Variants in PDE10A observed in about 807,000 individuals in gnomAD.
PDE10A encodes the protein cAMP and cAMP-inhibited cGMP 3',5'-cyclic phosphodiesterase 10A.
A neutral mutation model predicts 97.7 loss-of-function variants in PDE10A; 39 were observed. The observed-to-expected ratio is 0.40, with a 90% confidence interval of 0.31 to 0.52. The LOEUF is 0.52. Among genes scored for constraint, PDE10A ranks in the 20% least tolerant of loss-of-function variants. PDE10A has a pLI of 0.56. For synonymous variants in PDE10A, 371 were observed against 376.8 expected (o/e 0.98, Z 0.18); for missense variants, 731 against 1,047.8 (o/e 0.70, Z 4.17).
At chr6:165,850,224 G>A (rs1379173194) in intron 1 of PDE10A, among the ~76,000 whole-genome samples, 1 of 152,222 alleles carries the variant, frequency 6.6e-6, no homozygotes, top group Non-Finnish European at 1.5e-5. Flanking sequence ...CTGGACTCCG[G>A]GAGGCGCCAA....
chr6:165,454,840 G>T (rs1419812420), intron 3 of PDE10A, among the ~76,000 whole-genome samples: 1 of 152,138 alleles, frequency 6.6e-6, no homozygotes, highest in African/African-American at 2.4e-5. Context: ...AAACAGAAAA[G>T]TTGTGGCTTA....
chr6:165,503,649 T>C (rs927876204), intron 2 of PDE10A, among the ~76,000 whole-genome samples: 5 of 152,170 alleles, frequency 3.3e-5, no homozygotes, highest in African/African-American at 1.2e-4. Context: ...TATATCCACC[T>C]GTTCACTGGA....
intron 2 of PDE10A, among the ~76,000 whole-genome samples, chr6:165,538,055 C>T (rs1562561008): frequency 6.6e-6 from 1 of 151,958 alleles, no homozygotes; most frequent in East Asian, 1.9e-4. Context: ...CAGAAACCAT[C>T]CGTTACATAT....
At chr6:165,839,999 C>CT (rs1490891861) in intron 1 of PDE10A, among the ~76,000 whole-genome samples, 12 of 2,714 alleles carry the variant, frequency 4.4e-3, no homozygotes, top group South Asian at 0.02. Flanking sequence ...CCAACTCCAT[C>CT]CCATCTCCAT....
chr6:165,611,809 T>C (rs1391749280), intron 1 of PDE10A, among the ~76,000 whole-genome samples: 1 of 152,260 alleles, frequency 6.6e-6, no homozygotes, highest in Non-Finnish European at 1.5e-5. Flanking sequence ...AATGTACTGT[T>C]CAGGTTTGAT....
intron 2 of PDE10A, among the ~76,000 whole-genome samples, chr6:165,506,623 A>G (rs932966954): frequency 6.6e-6 from 1 of 152,184 alleles, no homozygotes; most frequent in Non-Finnish European, 1.5e-5. Flanking sequence ...ATTGGAAGGT[A>G]CGCAATCTCA....
intron 1 of PDE10A, among the ~76,000 whole-genome samples, chr6:165,895,200 G>A (rs1052722854): frequency 6.2e-5 from 8 of 129,304 alleles, no homozygotes; most frequent in Non-Finnish European, 1.3e-4. Flanking sequence ...TTTGGAAATA[G>A]GGTCTTTGCA....
chr6:165,381,659 T>C (rs1456853146), intron 17 of PDE10A, among the ~76,000 whole-genome samples: 1 of 148,150 alleles, frequency 6.7e-6, no homozygotes, highest in African/African-American at 2.5e-5. Flanking sequence ...TTTTTTGTAT[T>C]TTTAGTAGAG....
chr6:165,885,201 G>A (rs1036094815), intron 1 of PDE10A, among the ~76,000 whole-genome samples: 9 of 152,138 alleles, frequency 5.9e-5, no homozygotes, highest in African/African-American at 1.9e-4. Context: ...ATTTCACACT[G>A]CTTTAAAGGA....
At chr6:165,842,264 A>G (rs1322511881) in intron 1 of PDE10A, among the ~76,000 whole-genome samples, 1 of 152,226 alleles carries the variant, frequency 6.6e-6, no homozygotes, top group South Asian at 2.1e-4. Context: ...ATTCAGAGCT[A>G]CAGATAACAG....
At chr6:165,409,052 C>CT (rs367557222) in intron 13 of PDE10A, among the ~76,000 whole-genome samples, 2,519 of 148,382 alleles carry the variant, frequency 0.017, 76 homozygotes, top group African/African-American at 0.057. Flanking sequence ...GTAGTCCCAG[C>CT]TACTCGGGAG....
intron 1 of PDE10A, among the ~76,000 whole-genome samples, chr6:165,691,106 T>TCTCTCTCTCTCTCTCC (rs143783728): frequency 2.6e-5 from 1 of 39,094 alleles, no homozygotes; most frequent in Non-Finnish European, 4.5e-5. Context: ...TCTTTCTCTC[T>TCTCTCTCTCTCTCTCC]CCCCCCCCCC....
chr6:165,559,670 T>G (rs1463477147), intron 1 of PDE10A, among the ~76,000 whole-genome samples: 1 of 152,202 alleles, frequency 6.6e-6, no homozygotes, highest in African/African-American at 2.4e-5. Flanking sequence ...TAATATGGTT[T>G]GGCTCTGTGT....
intron 1 of PDE10A, among the ~76,000 whole-genome samples, chr6:165,627,532 C>T (rs1047698066): frequency 4.6e-5 from 7 of 152,096 alleles, no homozygotes; most frequent in Non-Finnish European, 1.0e-4. Context: ...AGATGGAGCA[C>T]GACACAGACA....
chr6:165,501,538 A>C (rs1201889990), intron 2 of PDE10A, among the ~76,000 whole-genome samples: 4 of 151,154 alleles, frequency 2.6e-5, no homozygotes, highest in African/African-American at 9.7e-5. Context: ...GCGCCACTGC[A>C]CTCCAGCCTG....
chr6:165,439,639 C>T (rs1392434475), intron 5 of PDE10A, among the ~76,000 whole-genome samples: 1 of 152,150 alleles, frequency 6.6e-6, no homozygotes, highest in Non-Finnish European at 1.5e-5. Context: ...TTCTAAGAAA[C>T]TCATTATGAA....
intron 21 of PDE10A, among the ~76,000 whole-genome samples, 196 bp from the exon 22 acceptor site, chr6:165,333,323 G>C (rs779614899): frequency 1.3e-5 from 2 of 152,172 alleles, no homozygotes; most frequent in African/African-American, 2.4e-5. Context: ...AGAGGTGCCA[G>C]AGGGTCAGGG....
chr6:165,830,792 G>C (rs1336255499), intron 1 of PDE10A, among the ~76,000 whole-genome samples: 3 of 152,132 alleles, frequency 2.0e-5, no homozygotes. Flanking sequence ...CCCATTTCTT[G>C]TGCCAATAAC....
At position 165,864,106 on chromosome 6, in the gene PDE10A, T is replaced by C. The variant is rs372437469; in HGVS notation, c.-615+123423A>G. 9.9e-5 allele frequency among the ~76,000 whole-genome samples: 15 copies of C among 152,220 alleles called. No homozygotes were observed. The South Asian group carries it at 1.4e-3, about 15-fold the overall frequency. On this transcript the variant is annotated intron_variant, in intron 1 of 19. Coordinates refer to the PDE10A transcript ENST00000366882. ...TCATGTTACCACTAAAGACACCTCA[T>C]TGTGTACCGCAAATCTATGCTTCGC... is the stretch of plus-strand genomic sequence containing the variant.
Sources: allele counts gnomAD v4.1 joint callset (sites outside exome capture counted in the v4.1 genomes callset), GRCh38; gene constraint gnomAD v4.1.1; transcripts MANE v1.5; gene names NCBI Gene and HGNC (gene_info 2026-07-23, HGNC 2026-07-21).